OSBPL6: variants seen among roughly 807,000 people sequenced by gnomAD.
The protein encoded by OSBPL6 is oxysterol binding protein like 6.
A neutral mutation model predicts 125.8 loss-of-function variants in OSBPL6; 49 were observed. The observed-to-expected ratio is 0.39, with a 90% CI of 0.31 to 0.49. OSBPL6 has a LOEUF of 0.49. Ranked by LOEUF, OSBPL6 falls within the 20% of genes least tolerant of loss-of-function variation. The pLI is 0.88. For missense variants in OSBPL6, 986 were observed against 1,135.4 expected (o/e 0.87, Z 1.89); for synonymous variants, 394 against 391.8 (o/e 1.01, Z -0.07).
At position 178,253,117 on chromosome 2, in the gene OSBPL6, G is replaced by A. The variant is rs190194567; in HGVS notation, c.-350-31810G>A. 2.5e-3 allele frequency among the ~76,000 whole-genome samples: 379 copies of A among 151,628 alleles called. 1 individual carries two copies. Among genetic ancestry groups the A allele is most frequent in the Non-Finnish European group, 4.1e-3 (276 of 68,016 alleles). The stretch of plus-strand genomic sequence containing the variant: ...GCTCACTGCAACCTCCACCTCCCAG[G>A]TTCAAGCGATTCTCCTGCCTCGGCC... On this transcript the variant is annotated intron_variant, in intron 1 of 24. Transcript: ENST00000190611.
intron 1 of OSBPL6, among the ~76,000 whole-genome samples, chr2:178,231,881 C>T (rs2090837665): frequency 6.6e-6 from 1 of 152,114 alleles, no homozygotes. Context: ...CCAGGCTGGT[C>T]TTGAACTCCT....
chr2:178,314,989 C>A (rs1163211073), intron 3 of OSBPL6, among the ~76,000 whole-genome samples: 1 of 152,206 alleles, frequency 6.6e-6, no homozygotes, highest in African/African-American at 2.4e-5. Context: ...TTTCCTTGAG[C>A]AATAATAGTA....
intron 2 of OSBPL6, among the ~76,000 whole-genome samples, chr2:178,286,660 A>G (rs1281672404): frequency 6.6e-6 from 1 of 152,164 alleles, no homozygotes; most frequent in Admixed American, 6.5e-5. Context: ...CTGATATTTC[A>G]TGACCTAAGA....
chr2:178,333,021 G>A lies in OSBPL6; in HGVS notation c.637G>A (p.Val213Ile), dbSNP rs1306668897. ...AGCTGAATCCTCACCAGCTGCTAAT[G>A]TTTCTGTAATGGATGGAAAGGTATG... ...STAESSPAAN[V>I]SVMDGKMQPN... The change falls in exon 8 of 25, where the codon GTT becomes ATT. Residue 213 changes from valine to isoleucine, a missense_variant. Around this residue, in one of 3 missense-constraint regions of OSBPL6, gnomAD observed 843 missense variants for 997.3 expected, o/e 0.85. Coordinates refer to ENST00000190611, the MANE Select transcript of OSBPL6 (RefSeq NM_032523.4). The A allele has an allele frequency of 6.2e-7, 1 of 1,614,044 alleles. No individual in the cohort carries two copies. Among genetic ancestry groups the A allele is most frequent in the East Asian group, 2.2e-5 (1 of 44,880 alleles).
At chr2:178,313,205 AT>A (rs1687446138) in intron 3 of OSBPL6, among the ~76,000 whole-genome samples, 1 of 152,182 alleles carries the variant, frequency 6.6e-6, no homozygotes, top group Non-Finnish European at 1.5e-5. Flanking sequence ...CTATGCTTAC[AT>A]ATTTTAGAGA....
chr2:178,295,997 T>G (rs979235734), intron 2 of OSBPL6, among the ~76,000 whole-genome samples: 16 of 152,184 alleles, frequency 1.1e-4, no homozygotes, highest in Non-Finnish European at 1.5e-4. Context: ...CCTTTATTTT[T>G]GGGGCTTTAG....
chr2:178,228,459 C>T (rs566590065), intron 1 of OSBPL6, among the ~76,000 whole-genome samples: 7 of 152,256 alleles, frequency 4.6e-5, no homozygotes, highest in East Asian at 3.9e-4. Context: ...GGCGTGAAGC[C>T]GGGAGGTGGA....
rs73973109 is a variant in OSBPL6, at chr2:178,329,129, A to G, written c.318+751A>G. Among the ~76,000 whole-genome samples the G allele has an allele frequency of 9.5e-3, 1,442 of 152,286 alleles. 24 individuals are homozygous for G. Among genetic ancestry groups the G allele is most frequent in the African/African-American group, 0.033 (1,377 of 41,570 alleles). The stretch of plus-strand genomic sequence containing the variant: ...TGTGATGTGATGAACATCCTTACAC[A>G]TGAACTTCTATTTAGTTCTTTGGGA... On this transcript the variant is annotated intron_variant, in intron 5 of 24. Transcript: ENST00000190611.
Position 178,210,823 on chromosome 2 carries a change from A to ACAC in OSBPL6, c.-351+16149_-351+16150insCAC, listed in dbSNP as rs1553519679. On this transcript the variant is annotated intron_variant, in intron 1 of 24. Transcript: ENST00000190611. ...GTGAGACAATGTTTCAAAAAAAAAAAACACACACACACACACACACACACA... is the reference window on the plus strand; with the variant it reads ...GTGAGACAATGTTTCAAAAAAAAAAACACACACACACACACACACACACACACA... Among the ~76,000 whole-genome samples the ACAC allele has an allele frequency of 3.0e-4, 43 of 145,484 alleles. No homozygotes were observed. In the East Asian group the frequency reaches 4.8e-3, roughly 16 times the overall value.
At chr2:178,376,363 C>A (rs1693874701) in intron 15 of OSBPL6, among the ~76,000 whole-genome samples, 1 of 152,124 alleles carries the variant, frequency 6.6e-6, no homozygotes, top group East Asian at 1.9e-4. Flanking sequence ...TTCACTCCTT[C>A]TTTCCCTTTA....
rs994254116 is a variant in OSBPL6 at position 178,281,446 on chromosome 2, A to G, written c.-350-3481A>G. 2.0e-5 allele frequency among the ~76,000 whole-genome samples: 3 copies of G among 152,076 alleles called. No homozygotes were observed. In the East Asian group the frequency reaches 5.8e-4, roughly 29 times the overall value. On this transcript the variant is annotated intron_variant, in intron 1 of 24. Transcript: ENST00000190611. Reference sequence around the variant, plus strand: ...TAATCTGCCTTGAGTTAATTTTTGTATAAGGTGTAAGGAAGGGGTCCAGTT... The same window carrying G: ...TAATCTGCCTTGAGTTAATTTTTGTGTAAGGTGTAAGGAAGGGGTCCAGTT...
intron 1 of OSBPL6, among the ~76,000 whole-genome samples, chr2:178,257,642 C>G (rs2091927433): frequency 6.6e-6 from 1 of 152,042 alleles, no homozygotes; most frequent in Non-Finnish European, 1.5e-5. Flanking sequence ...TAGCAGCAAC[C>G]TAAGGTTATT....
At chr2:178,247,002 A>T in intron 1 of OSBPL6, among the ~76,000 whole-genome samples, 2 of 119,832 alleles carry the variant, frequency 1.7e-5, no homozygotes, top group African/African-American at 4.0e-5. Flanking sequence ...TCTCCCTGTA[A>T]CCTGCCCCTC....
intron 15 of OSBPL6, among the ~76,000 whole-genome samples, chr2:178,379,079 G>A (rs1295339433): frequency 1.3e-5 from 2 of 151,980 alleles, no homozygotes; most frequent in Non-Finnish European, 1.5e-5. Context: ...GGCTGAGGTG[G>A]GAGGATCCCT....
chr2:178,264,747 T>G (rs2092174435), intron 1 of OSBPL6, among the ~76,000 whole-genome samples: 1 of 152,196 alleles, frequency 6.6e-6, no homozygotes, highest in African/African-American at 2.4e-5. Flanking sequence ...TCAAGAGTAT[T>G]GTCAGTGTGG....
At chr2:178,268,373 C>T (rs112241846) in intron 1 of OSBPL6, among the ~76,000 whole-genome samples, 6,287 of 152,254 alleles carry the variant, frequency 0.041, 176 homozygotes, top group Middle Eastern at 0.071. Flanking sequence ...TGAACCACTG[C>T]ACCTGGCCCT....
rs1484084052 is a variant in OSBPL6 at position 178,392,404 on chromosome 2, CT to C, written c.2447-5del. 6.2e-7 allele frequency: 1 copy of C among 1,613,730 alleles called. No homozygotes were observed. Among genetic ancestry groups the C allele is most frequent in the African/African-American group, 1.3e-5 (1 of 74,920 alleles). On this transcript the variant is annotated splice_region_variant and splice_polypyrimidine_tract_variant and intron_variant, in intron 22 of 24. Transcript: ENST00000190611. ...GCCTCTCACAGTGGTTCATTGGCCT[CT>C]TTCCAGGTTCCATGCCAACAAACTA...
At chr2:178,296,496 A>T (rs1454960620) in intron 2 of OSBPL6, among the ~76,000 whole-genome samples, 1 of 152,194 alleles carries the variant, frequency 6.6e-6, no homozygotes, top group East Asian at 1.9e-4. Context: ...AACCACTACA[A>T]TGAAAACCAC....
intron 12 of OSBPL6, among the ~76,000 whole-genome samples, chr2:178,357,749 A>G (rs1216089327): frequency 1.3e-5 from 2 of 152,194 alleles, no homozygotes; most frequent in African/African-American, 4.8e-5. Context: ...TACCCAAAGG[A>G]TTATAAATCA....
Sources: gnomAD v4.1 joint callset for allele counts (sites outside exome capture counted in the v4.1 genomes callset) on GRCh38, gnomAD v4.1.1 for gene constraint, gnomAD v4.1.1 regional missense constraint, MANE v1.5 for transcripts, NCBI Gene and HGNC (gene_info 2026-07-23, HGNC 2026-07-21) for gene names.